PCDH9: variants seen among roughly 807,000 people sequenced by gnomAD.
PCDH9 encodes the protein protocadherin 9.
Under a neutral mutation model 70.6 loss-of-function variants are expected in PCDH9, and 24 were observed. The observed-to-expected ratio is 0.34, with a 90% CI of 0.25 to 0.48. PCDH9 has a LOEUF of 0.48. PCDH9 is among the 20% of genes least tolerant of loss of function. The pLI is 0.99. For missense variants in PCDH9, 1,281 were observed against 1,503.6 expected, an observed-to-expected ratio of 0.85 and a Z score of 2.45; for synonymous variants, 562 against 558.5, an observed-to-expected ratio of 1.01 and a Z score of -0.09.
At chr13:66,585,618 T>TA (rs1198283757) in intron 4 of PCDH9, among the ~76,000 whole-genome samples, 1 of 152,158 alleles carries the variant, frequency 6.6e-6, no homozygotes, top group Non-Finnish European at 1.5e-5. Context: ...TATTTTATCT[T>TA]AAAAATAGTT....
chr13:66,883,705 T>C (rs1051755193), intron 3 of PCDH9, among the ~76,000 whole-genome samples: 1 of 152,164 alleles, frequency 6.6e-6, no homozygotes, highest in Admixed American at 6.5e-5. Context: ...TTTGTTACAC[T>C]ATGATATAGT....
At chr13:67,137,762 A>G (rs1229047752) in intron 2 of PCDH9, among the ~76,000 whole-genome samples, 1 of 152,110 alleles carries the variant, frequency 6.6e-6, no homozygotes, top group Non-Finnish European at 1.5e-5. Context: ...TTCAGCTACT[A>G]AAAAAGTTGC....
chr13:66,486,637 G>GAA (rs35868123), intron 4 of PCDH9, among the ~76,000 whole-genome samples: 10 of 116,078 alleles, frequency 8.6e-5, no homozygotes, highest in African/African-American at 2.4e-4. Context: ...TGCTATCTCA[G>GAA]AAAAAAAAAA....
chr13:66,543,441 C>T (rs1961051687), intron 4 of PCDH9, among the ~76,000 whole-genome samples: 1 of 151,996 alleles, frequency 6.6e-6, no homozygotes, highest in African/African-American at 2.4e-5. Flanking sequence ...GTGGCACGCT[C>T]CTGTAACCCC....
chr13:66,934,012 C>A (rs887397863), intron 2 of PCDH9, among the ~76,000 whole-genome samples: 15 of 151,956 alleles, frequency 9.9e-5, no homozygotes, highest in African/African-American at 3.6e-4. Flanking sequence ...TTTTCAATGT[C>A]GGCATTTATA....
intron 3 of PCDH9, among the ~76,000 whole-genome samples, chr13:66,865,415 T>C (rs185626277): frequency 2.0e-5 from 3 of 152,362 alleles, no homozygotes; most frequent in Admixed American, 1.3e-4. Flanking sequence ...CATGCTGTCA[T>C]TATCAATTGA....
At chr13:66,481,526 T>A (rs959786630) in intron 4 of PCDH9, among the ~76,000 whole-genome samples, 1 of 152,178 alleles carries the variant, frequency 6.6e-6, no homozygotes, top group African/African-American at 2.4e-5. Context: ...TAGACTACAG[T>A]GTAGTGTAAA....
intron 2 of PCDH9, among the ~76,000 whole-genome samples, chr13:67,075,134 A>G (rs1051725247): frequency 2.4e-4 from 36 of 152,128 alleles, no homozygotes; most frequent in African/African-American, 7.7e-4. Flanking sequence ...AGATAGCCAA[A>G]TGATAAAACC....
chr13:67,159,204 T>A (rs993690681), intron 2 of PCDH9, among the ~76,000 whole-genome samples: 3 of 152,102 alleles, frequency 2.0e-5, no homozygotes, highest in Non-Finnish European at 4.4e-5. Context: ...GGTTGCCCTA[T>A]AAGGTGACAG....
intron 2 of PCDH9, among the ~76,000 whole-genome samples, chr13:67,065,029 G>T (rs1047701437): frequency 2.0e-5 from 3 of 152,128 alleles, no homozygotes; most frequent in African/African-American, 7.2e-5. Context: ...ATTTAAGAGA[G>T]AATGCCAAAT....
intron 4 of PCDH9, among the ~76,000 whole-genome samples, chr13:66,625,531 AAC>A (rs1382318623): frequency 6.6e-6 from 1 of 152,230 alleles, no homozygotes; most frequent in Non-Finnish European, 1.5e-5. Flanking sequence ...TTTATCAATA[AAC>A]ACAAATATAA....
At chr13:66,808,241 T>C (rs1275956404) in intron 3 of PCDH9, among the ~76,000 whole-genome samples, 1 of 152,196 alleles carries the variant, frequency 6.6e-6, no homozygotes, top group Non-Finnish European at 1.5e-5. Flanking sequence ...TTGATTTCTT[T>C]CTGTTATTGA....
At chr13:66,937,890 A>G (rs2082943134) in intron 2 of PCDH9, among the ~76,000 whole-genome samples, 1 of 151,548 alleles carries the variant, frequency 6.6e-6, no homozygotes. Flanking sequence ...ATCTGCTGTC[A>G]TTCTGGGGGT....
chr13:67,184,624 G>C (rs1415354715), intron 2 of PCDH9, among the ~76,000 whole-genome samples: 2 of 152,116 alleles, frequency 1.3e-5, no homozygotes, highest in Non-Finnish European at 2.9e-5. Flanking sequence ...CCGGCTACTT[G>C]GGGGGCTGAG....
At chr13:66,317,909 C>T (rs558702633) in intron 4 of PCDH9, among the ~76,000 whole-genome samples, 2 of 151,864 alleles carry the variant, frequency 1.3e-5, no homozygotes, top group East Asian at 1.9e-4. Context: ...TGTAGAATAC[C>T]ATTGTGAAAT....
chr13:67,028,579 TA>T (rs67569829), intron 2 of PCDH9, among the ~76,000 whole-genome samples: 32,950 of 151,388 alleles, frequency 0.22, 4,100 homozygotes, highest in East Asian at 0.56. Context: ...AATAATAAAA[TA>T]AAAATAAAAA....
At chr13:66,680,234 G>A (rs1424105698) in intron 3 of PCDH9, among the ~76,000 whole-genome samples, 2 of 151,886 alleles carry the variant, frequency 1.3e-5, no homozygotes, top group Non-Finnish European at 2.9e-5. Flanking sequence ...GAAACAATAC[G>A]CAAATATTTT....
chr13:67,066,674 AT>A lies in PCDH9; in HGVS notation c.3036+158730del, dbSNP rs558943473. Among the ~76,000 whole-genome samples, 1,049 of 152,164 alleles carry A rather than the reference AT, an allele frequency of 6.9e-3. 6 individuals carry two copies. Among genetic ancestry groups the A allele is most frequent in the African/African-American group, 0.014 (593 of 41,530 alleles). On this transcript the variant is annotated intron_variant, in intron 2 of 4. Transcript: ENST00000377865. ...TTTTTAATGAGGCCTTTCATACAGAATTTTTTTTATTATATTAGTTTAAAAT... is the reference window on the plus strand; with the variant it reads ...TTTTTAATGAGGCCTTTCATACAGAATTTTTTTATTATATTAGTTTAAAAT...
intron 2 of PCDH9, among the ~76,000 whole-genome samples, chr13:67,135,372 A>G (rs1454564416): frequency 6.6e-6 from 1 of 152,046 alleles, no homozygotes; most frequent in East Asian, 1.9e-4. Flanking sequence ...AGGAATTCTA[A>G]ACTCTAGCTA....
Sources: allele counts gnomAD v4.1 joint callset (sites outside exome capture counted in the v4.1 genomes callset), GRCh38; gene constraint gnomAD v4.1.1; transcripts MANE v1.5; gene names NCBI Gene and HGNC (gene_info 2026-07-23, HGNC 2026-07-21).